The following INF2 variants were observed in gnomAD, a reference collection of about 807,000 sequenced individuals.
INF2 encodes inverted formin 2.
In INF2, 43 loss-of-function variants were observed where a neutral mutation model predicts 123.5. The ratio of observed to expected loss-of-function variants is 0.35; its 90% CI spans 0.27 to 0.45. The LOEUF (loss-of-function observed/expected upper bound fraction) is 0.45, where lower values mean the gene tolerates loss of function less well. Among genes scored for constraint, INF2 ranks in the 20% least tolerant of loss-of-function variants. The pLI is 1.00. For synonymous variants in INF2, 851 were observed against 745.0 expected (o/e 1.14, Z -2.32); for missense variants, 1,453 against 1,682.7 (o/e 0.86, Z 2.39).
intron 1 of INF2, among the ~76,000 whole-genome samples, chr14:104,697,660 G>A (rs1057150772): frequency 1.3e-5 from 2 of 152,246 alleles, no homozygotes; most frequent in African/African-American, 4.8e-5. Flanking sequence ...ACCACACCAG[G>A]CTGGCCAGGC....
chr14:104,689,566 G>C (rs1888831923), upstream of INF2: 1 of 912,964 alleles, frequency 1.1e-6, no homozygotes, highest in Non-Finnish European at 1.3e-6. Flanking sequence ...GGCCGCTGAC[G>C]GGCGGGGCGG....
chr14:104,710,083 C>G lies in INF2; in HGVS notation c.2139-5C>G. On this transcript the variant is annotated splice_region_variant and splice_polypyrimidine_tract_variant and intron_variant, in intron 12 of 22. Transcript: ENST00000392634. ...GCCACTGATCCCTGTCTGTGCCATC[C>G]CCAGCTACCAGCTGCGAATCGAGTG... 1 of 1,549,422 alleles carries G rather than the reference C, an allele frequency of 6.5e-7. No homozygotes were observed. The highest frequency in any genetic ancestry group is 8.7e-7 in the Non-Finnish European group (1 of 1,146,638).
In INF2 at chr14:104,699,009, G is replaced by A. The variant is rs1387355388; in HGVS notation, c.-9-2348G>A. ...ACCGTGGCTCCACCCCACTGACCAAGGGGGATCCTCTTGACTGGGGTCTTT... is the reference window on the plus strand; with the variant it reads ...ACCGTGGCTCCACCCCACTGACCAAAGGGGATCCTCTTGACTGGGGTCTTT... On this transcript the variant is annotated intron_variant, in intron 1 of 22. Coordinates refer to ENST00000392634, the MANE Select transcript of INF2 (RefSeq NM_022489.4). The surrounding 1 kb of genome is among the most constrained non-coding windows in gnomAD (Gnocchi z 4.7). 6.6e-6 allele frequency among the ~76,000 whole-genome samples: 1 copy of A among 152,212 alleles called. No individual in the cohort carries two copies. The highest frequency in any genetic ancestry group is 1.5e-5 in the Non-Finnish European group (1 of 68,026).
intron 5 of INF2, chr14:104,704,224 G>A: frequency 7.2e-7 from 1 of 1,385,230 alleles, no homozygotes; most frequent in Non-Finnish European, 9.4e-7. Context: ...GGATGGAGCT[G>A]GAGGCCGTGA....
At chr14:104,706,814 G>C in intron 6 of INF2, 96 bp from the exon 7 acceptor site, 1 of 1,394,664 alleles carries the variant, frequency 7.2e-7, no homozygotes, top group Non-Finnish European at 9.8e-7. Context: ...GAATAGAGGG[G>C]GTGATGGGGC....
In INF2 at chr14:104,711,820, A is replaced by T. The variant is rs757412450; in HGVS notation, c.2489+121A>T. On this transcript the variant is annotated intron_variant, in intron 16 of 22. Coordinates refer to ENST00000392634, the MANE Select transcript of INF2 (RefSeq NM_022489.4). ...ACAGCTGCAGCGCAGCCCCGGCGCC[A>T]CGGAGCCCTGCCCAATAGAACACTT... 3 of 837,180 alleles carry T rather than the reference A, an allele frequency of 3.6e-6. No individual in the cohort carries two copies. The South Asian group carries it at 4.8e-5, about 13-fold the overall frequency. 51.9% of individuals were successfully genotyped at this position (837,180 alleles called of 1,614,324 possible).
rs1889394480 is a variant in INF2, at chr14:104,699,969, GC to G, written c.-9-1387del. Among the ~76,000 whole-genome samples, 1 of 152,168 alleles carries G rather than the reference GC, an allele frequency of 6.6e-6. No homozygotes were observed. The highest frequency in any genetic ancestry group is 2.1e-4 in the South Asian group (1 of 4,832). On this transcript the variant is annotated intron_variant, in intron 1 of 22. Coordinates refer to ENST00000392634, the MANE Select transcript of INF2 (RefSeq NM_022489.4). This position sits in a 1 kb window ranked among gnomAD's most constrained non-coding sequence, Gnocchi z 4.7. ...CTGAGGGGCGGTGCGGGGAGTAGGG[GC>G]TGGACTGCCGGAAACACCAGGCTTG... is the stretch of plus-strand genomic sequence containing the variant.
intron 18 of INF2, 47 bp from the exon 19 acceptor site, chr14:104,713,160 C>T (rs747929697): frequency 1.3e-6 from 2 of 1,580,650 alleles, no homozygotes; most frequent in South Asian, 2.3e-5. Flanking sequence ...CATGGAGCCC[C>T]TGAGGGATGC....
rs746281923 is a variant in INF2 at position 104,715,286 on chromosome 14, G to T, written c.3697G>T (p.Val1233Phe). Residue 1233 changes from valine to phenylalanine, a missense_variant and splice_region_variant, in exon 22 of 23, where the codon GTT (valine) becomes TTT (phenylalanine). Val to Phe is a conservative substitution (Grantham distance 50). Coordinates refer to ENST00000392634, the MANE Select transcript of INF2 (RefSeq NM_022489.4). ...KKRPSRSQEE[V>F]PPDSDDNKTK... Reference sequence around the variant, plus strand: ...GCGTTTCTTTTATTTGGAAGCAGAGGTTCCCCCTGATTCTGATGATAATAA... The same window carrying T: ...GCGTTTCTTTTATTTGGAAGCAGAGTTTCCCCCTGATTCTGATGATAATAA... The T allele has an allele frequency of 3.7e-6, 6 of 1,613,626 alleles. No individual in the cohort carries two copies. The highest frequency in any genetic ancestry group is 1.1e-5 in the South Asian group (1 of 91,084).
intron 1 of INF2, among the ~76,000 whole-genome samples, chr14:104,695,224 C>T (rs1453062726): frequency 2.6e-5 from 4 of 152,142 alleles, no homozygotes; most frequent in African/African-American, 9.7e-5. Context: ...AGTCCCTAAC[C>T]ACAGATCTGT....
rs898183995 is a variant in INF2, at chr14:104,682,810, C to T, written c.-104+1228C>T. ...GCAGTGGCCACTCCTAAAATCCTCA[C>T]GTCCCCCCCGGACAAGTCTAGCCTC... On this transcript the variant is annotated intron_variant, in intron 1 of 2. Transcript: ENST00000674723. Among the ~76,000 whole-genome samples the T allele has an allele frequency of 1.4e-4, 22 of 152,234 alleles. No individual in the cohort carries two copies. The East Asian group carries it at 1.9e-3, about 13-fold the overall frequency.
At chr14:104,708,769 A>G in intron 10 of INF2, 37 bp downstream of exon 10, 1 of 1,604,572 alleles carries the variant, frequency 6.2e-7, no homozygotes, top group Non-Finnish European at 8.5e-7. Flanking sequence ...CAGGCCACGG[A>G]GCCTCGCCTC....
intron 1 of INF2, among the ~76,000 whole-genome samples, chr14:104,696,225 G>A (rs773105068): frequency 1.3e-5 from 2 of 152,210 alleles, no homozygotes; most frequent in East Asian, 3.8e-4. Flanking sequence ...CACAACAAGC[G>A]GAGTTCAAGA....
intron 1 of INF2, among the ~76,000 whole-genome samples, chr14:104,691,518 G>A (rs975674299): frequency 6.6e-6 from 1 of 152,174 alleles, no homozygotes; most frequent in African/African-American, 2.4e-5. Context: ...TGTCTGATAG[G>A]TGTGTGGTTC....
At chr14:104,717,414 G>A (rs1204147262) in intron 22 of INF2, 1 of 152,244 alleles carries the variant, frequency 6.6e-6, no homozygotes, top group Non-Finnish European at 1.5e-5. Context: ...ACGTCCACAT[G>A]CTTCTAATAC....
chr14:104,710,064 G>T, intron 12 of INF2, 24 bp from the exon 13 acceptor site: 1 of 1,537,134 alleles, frequency 6.5e-7, no homozygotes, highest in Non-Finnish European at 8.8e-7. Context: ...GCAGGCCACT[G>T]ATCCCTGTCT....
rs1324048827 is a variant in INF2 at position 104,710,103 on chromosome 14, C to T, written c.2154C>T (p.Ile718=). The change falls in exon 13 of 23, where the codon ATC becomes ATT. Residue 718 remains isoleucine (I), a synonymous_variant. Coordinates refer to ENST00000392634, the MANE Select transcript of INF2 (RefSeq NM_022489.4). ...LLAIPCYQLR[I]ECMLLCEGAA... is the part of the protein sequence containing the mutation. Reference sequence around the variant, plus strand: ...CCATCCCCAGCTACCAGCTGCGAATCGAGTGCATGCTGCTGTGTGAGGGCG... The same window carrying T: ...CCATCCCCAGCTACCAGCTGCGAATTGAGTGCATGCTGCTGTGTGAGGGCG... The T allele has an allele frequency of 4.5e-6, 7 of 1,552,026 alleles. No individual in the cohort carries two copies. The highest frequency in any genetic ancestry group is 3.9e-5 in the Admixed American group (2 of 51,310).
At position 104,710,029 on chromosome 14, in the gene INF2, C is replaced by G. The variant is rs576828322; in HGVS notation, c.2139-59C>G. 7.9e-6 allele frequency: 11 copies of G among 1,392,796 alleles called. No individual in the cohort carries two copies. In the South Asian group the frequency reaches 1.4e-4, roughly 17 times the overall value. The allele number at this position is 1,392,796 out of a possible 1,614,324, so 86.3% of individuals were successfully genotyped here. On this transcript the variant is annotated intron_variant, in intron 12 of 22. Transcript: ENST00000392634. ...AAGCCAGAGCCCTGTGCTGAGTGCC[C>G]CTCTGGCAGGGACAGGTGGGGGGTG...
rs1438965620 is a variant in INF2, at chr14:104,707,733, C to T, written c.1466C>T (p.Pro489Leu). The T allele has an allele frequency of 3.7e-6, 5 of 1,333,742 alleles. No homozygotes were observed. The highest frequency in any genetic ancestry group is 2.0e-5 in the Admixed American group (1 of 49,506). 82.6% of individuals were successfully genotyped at this position (1,333,742 alleles called of 1,614,324 possible). ...PLPGSCEFLP[P>L]PPPPLPGLGC... is the part of the protein sequence containing the mutation. ...CCAGGCTCCTGTGAGTTCCTGCCCC[C>T]ACCACCTCCACCACTCCCGGGCTTG... The change falls in exon 8 of 23, where the codon CCA (proline) becomes CTA (leucine). Residue 489 changes from proline to leucine, a missense_variant. This residue lies in a region of INF2 where 374 missense variants were observed against 303.7 expected (regional missense o/e 1.23). Transcript: ENST00000392634.
Sources: gnomAD v4.1 joint callset for allele counts (sites outside exome capture counted in the v4.1 genomes callset) on GRCh38, gnomAD v4.1.1 for gene constraint, gnomAD v4.1.1 regional missense constraint, Gnocchi (gnomAD v3.1) non-coding constraint, MANE v1.5 for transcripts, NCBI Gene and HGNC (gene_info 2026-07-23, HGNC 2026-07-21) for gene names.